MCF2L2: variants seen among roughly 807,000 people sequenced by gnomAD.
MCF2L2 encodes the protein probable guanine nucleotide exchange factor MCF2L2.
A neutral mutation model predicts 150.2 loss-of-function variants in MCF2L2; 102 were observed. The observed-to-expected ratio is 0.68, with a 90% CI of 0.58 to 0.80. The LOEUF (loss-of-function observed/expected upper bound fraction) is 0.80. MCF2L2 is among the 30% of genes least tolerant of loss of function. The pLI is 0.00. For missense variants in MCF2L2, 1,256 were observed against 1,372.8 expected, an observed-to-expected ratio of 0.91 and a Z score of 1.34; for synonymous variants, 465 against 491.3, an observed-to-expected ratio of 0.95 and a Z score of 0.71.
At chr3:183,352,613 G>A (rs968060260) in intron 3 of MCF2L2, among the ~76,000 whole-genome samples, 1 of 152,164 alleles carries the variant, frequency 6.6e-6, no homozygotes, top group Non-Finnish European at 1.5e-5. Flanking sequence ...AGAAGCAGAC[G>A]TGCTTCCACT....
chr3:183,404,309 T>G (rs1399184852), intron 1 of MCF2L2, among the ~76,000 whole-genome samples: 2 of 152,104 alleles, frequency 1.3e-5, no homozygotes, highest in Non-Finnish European at 2.9e-5. Context: ...ACAATAAAAA[T>G]AGGCATCACC....
intron 25 of MCF2L2, among the ~76,000 whole-genome samples, chr3:183,199,665 C>G (rs1386110433): frequency 6.7e-6 from 1 of 150,074 alleles, no homozygotes; most frequent in African/African-American, 2.5e-5. Context: ...GGTACGTGTG[C>G]ACAACATGCA....
At chr3:183,291,883 G>C (rs2108484098) in intron 13 of MCF2L2, among the ~76,000 whole-genome samples, 1 of 152,296 alleles carries the variant, frequency 6.6e-6, no homozygotes, top group South Asian at 2.1e-4. Context: ...TGTAATTCCT[G>C]CTTTATTTAC....
intron 15 of MCF2L2, among the ~76,000 whole-genome samples, chr3:183,261,323 A>C (rs1210388701): frequency 6.6e-6 from 1 of 152,210 alleles, no homozygotes; most frequent in East Asian, 1.9e-4. Context: ...ACAGATGACG[A>C]GAAGAAGCCA....
chr3:183,274,550 A>T (rs1727043259), intron 15 of MCF2L2, among the ~76,000 whole-genome samples: 1 of 152,186 alleles, frequency 6.6e-6, no homozygotes, highest in African/African-American at 2.4e-5. Flanking sequence ...TAAAACTTGT[A>T]AGCATCCGAA....
chr3:183,334,458 C>T (rs1730388288), intron 5 of MCF2L2, among the ~76,000 whole-genome samples: 1 of 151,966 alleles, frequency 6.6e-6, no homozygotes, highest in Non-Finnish European at 1.5e-5. Context: ...CCAGGCGATA[C>T]TCCAAGAAGG....
chr3:183,289,216 A>C lies in MCF2L2; in HGVS notation c.1680T>G (p.Pro560=). 1 of 1,605,612 alleles carries C rather than the reference A, an allele frequency of 6.2e-7. No homozygotes were observed. The highest frequency in any genetic ancestry group is 8.5e-7 in the Non-Finnish European group (1 of 1,172,708). ...SKTSQPSTSV[P]LARPLRTSEE... is the part of the protein sequence containing the mutation. ...CAGACGTTCTCAGAGGACGAGCTAG[A>C]GGGACTAAGAGAACCTGCCATTAGT... Residue 560 remains proline (P), a synonymous_variant, in exon 14 of 30, where the codon CCT becomes CCG. Coordinates refer to ENST00000328913, the MANE Select transcript of MCF2L2 (RefSeq NM_015078.4).
intron 11 of MCF2L2, 29 bp from the exon 12 acceptor site, chr3:183,297,196 C>T (rs752531515): frequency 1.3e-6 from 2 of 1,596,602 alleles, no homozygotes; most frequent in Non-Finnish European, 8.6e-7. Flanking sequence ...GCCCTGTGCA[C>T]TTCGCCTGAC....
At chr3:183,349,516 G>A (rs1223955513) in intron 3 of MCF2L2, among the ~76,000 whole-genome samples, 2 of 152,188 alleles carry the variant, frequency 1.3e-5, no homozygotes, top group East Asian at 3.8e-4. Context: ...GACACAGAAT[G>A]AGCAAAACAG....
intron 10 of MCF2L2, 111 bp from the exon 11 acceptor site, chr3:183,300,307 C>T (rs774549655): frequency 1.0e-6 from 1 of 975,932 alleles, no homozygotes; most frequent in Non-Finnish European, 1.4e-6. Flanking sequence ...AGATGCTAAC[C>T]CAGGATGAAG....
At chr3:183,381,571 C>T (rs993045891) in intron 2 of MCF2L2, among the ~76,000 whole-genome samples, 1 of 152,176 alleles carries the variant, frequency 6.6e-6, no homozygotes, top group African/African-American at 2.4e-5. Flanking sequence ...AATAAGTTAG[C>T]GCTGTGGTTT....
At chr3:183,342,468 C>CT (rs1360781798) in intron 3 of MCF2L2, among the ~76,000 whole-genome samples, 2 of 152,120 alleles carry the variant, frequency 1.3e-5, no homozygotes, top group African/African-American at 2.4e-5. Context: ...ACCAACTTGA[C>CT]TAGATTTGAA....
intron 1 of MCF2L2, among the ~76,000 whole-genome samples, chr3:183,403,231 C>CACTGCACT (rs1430353412): frequency 6.6e-6 from 1 of 152,114 alleles, no homozygotes; most frequent in East Asian, 1.9e-4. Context: ...GAGACTGCAC[C>CACTGCACT]ACTGCACTCC....
chr3:183,409,826 G>A lies in MCF2L2; in HGVS notation c.76+18076C>T, dbSNP rs191815808. 6.6e-5 allele frequency among the ~76,000 whole-genome samples: 10 copies of A among 152,230 alleles called. No homozygotes were observed. In the East Asian group the frequency reaches 1.9e-3, roughly 29 times the overall value. ...CCACCTTGGCTTCCCAAAGTGCTAG[G>A]ATTACAAGCGTGAGCCACTGAACCC... On this transcript the variant is annotated intron_variant, in intron 1 of 29. Coordinates refer to ENST00000328913, the MANE Select transcript of MCF2L2 (RefSeq NM_015078.4).
At chr3:183,419,606 C>G (rs1715775180) in intron 1 of MCF2L2, among the ~76,000 whole-genome samples, 1 of 152,206 alleles carries the variant, frequency 6.6e-6, no homozygotes. Context: ...GGCACAGTGG[C>G]TCATGCCTGT....
intron 15 of MCF2L2, among the ~76,000 whole-genome samples, chr3:183,239,979 A>G (rs1229132953): frequency 6.6e-6 from 1 of 152,160 alleles, no homozygotes; most frequent in Non-Finnish European, 1.5e-5. Context: ...ACATTTTTCT[A>G]GGGTCCCTAA....
At chr3:183,272,387 A>G in intron 15 of MCF2L2, 1 of 1,000,314 alleles carries the variant, frequency 1.0e-6, no homozygotes, top group Non-Finnish European at 1.2e-6. Context: ...GTTAGGGAAA[A>G]TCAGATGTCT....
At position 183,207,886 on chromosome 3, in the gene MCF2L2, T is replaced by C. The variant is rs1266881073; in HGVS notation, c.2497-63A>G. On this transcript the variant is annotated intron_variant, in intron 22 of 29. Transcript: ENST00000328913. ...ATTACTTGACAGAGAAAGAAGCCTTTGTGGCCTGTTTTCAAATTTTATAAA... is the reference window on the plus strand; with the variant it reads ...ATTACTTGACAGAGAAAGAAGCCTTCGTGGCCTGTTTTCAAATTTTATAAA... 3.9e-6 allele frequency: 5 copies of C among 1,277,430 alleles called. No individual in the cohort carries two copies. In the African/African-American group the frequency reaches 7.5e-5, roughly 19 times the overall value. The allele number at this position is 1,277,430 out of a possible 1,614,324, so 79.1% of individuals were successfully genotyped here. A position where few individuals can be genotyped will look rare whatever the true frequency, so the allele number is the denominator to read the frequency against.
intron 3 of MCF2L2, chr3:183,376,071 T>C (rs561179240): frequency 3.9e-5 from 6 of 152,330 alleles, no homozygotes; most frequent in African/African-American, 1.2e-4. Flanking sequence ...AGCCACTCTT[T>C]CCCGAAAGAC....
Sources: allele counts gnomAD v4.1 joint callset (sites outside exome capture counted in the v4.1 genomes callset), GRCh38; gene constraint gnomAD v4.1.1; transcripts MANE v1.5; gene names NCBI Gene and HGNC (gene_info 2026-07-23, HGNC 2026-07-21).